TMPRSS6: variants seen among roughly 807,000 people sequenced by gnomAD.
TMPRSS6 encodes the protein transmembrane protease serine 6.
TMPRSS6 carries 67 observed loss-of-function variants against 101.5 expected under a neutral mutation model. That is an observed-to-expected ratio of 0.66 (90% CI 0.54 to 0.81). The LOEUF is 0.81. Among genes scored for constraint, TMPRSS6 ranks in the 30% least tolerant of loss-of-function variants. TMPRSS6 has a pLI of 0.00. For synonymous variants in TMPRSS6, 453 were observed against 464.9 expected (o/e 0.97, Z 0.33); for missense variants, 1,034 against 1,088.7 (o/e 0.95, Z 0.71).
chr22:37,103,555 G>A lies in TMPRSS6; in HGVS notation c.-1-137C>T, dbSNP rs372503106. The A allele has an allele frequency of 5.6e-6, 9 of 1,613,910 alleles. 1 individual carries two copies. The highest frequency in any genetic ancestry group is 2.2e-5 in the South Asian group (2 of 91,084). ...GTAACAACATCAGGCGGCAGTGACT[G>A]CAAGTGGGTGCCGAGACAGCTCACA... On this transcript the variant is annotated intron_variant, in intron 1 of 17. Transcript: ENST00000676104. The surrounding 1 kb of genome is among the most constrained non-coding windows in gnomAD (Gnocchi z 4.4).
intron 15 of TMPRSS6, 119 bp downstream of exon 15, chr22:37,070,365 G>A: frequency 7.5e-7 from 1 of 1,339,172 alleles, no homozygotes; most frequent in Non-Finnish European, 1.1e-6. Flanking sequence ...ACAGTAGCCT[G>A]TCTGGGGGGT....
chr22:37,102,708 G>C (rs1376042170), intron 2 of TMPRSS6, among the ~76,000 whole-genome samples: 1 of 152,102 alleles, frequency 6.6e-6, no homozygotes, highest in African/African-American at 2.4e-5. Context: ...ATTCATGCTG[G>C]ACCCTGGAGA....
intron 10 of TMPRSS6, chr22:37,083,063 A>C (rs1359463959): frequency 2.1e-6 from 1 of 471,106 alleles, no homozygotes; most frequent in South Asian, 1.5e-5. Context: ...ATCTTCCAAG[A>C]CTGGCATCTT....
intron 13 of TMPRSS6, among the ~76,000 whole-genome samples, chr22:37,071,293 TC>T (rs1377053015): frequency 1.3e-4 from 20 of 150,256 alleles, no homozygotes; most frequent in African/African-American, 4.9e-4. Context: ...AGATCATGCC[TC>T]CCCCTCCAGT....
intron 10 of TMPRSS6, chr22:37,083,981 C>T: frequency 1.8e-6 from 1 of 546,154 alleles, no homozygotes; most frequent in Non-Finnish European, 3.3e-6. Flanking sequence ...ATTGAGGGTG[C>T]CAGAGGGGGT....
At chr22:37,106,064 G>A (rs977070188) in intron 1 of TMPRSS6, among the ~76,000 whole-genome samples, 3 of 152,134 alleles carry the variant, frequency 2.0e-5, no homozygotes, top group African/African-American at 4.8e-5. Context: ...AATTGTCTCT[G>A]TTGCTTTATG....
rs1031067169 is a variant in TMPRSS6 at position 37,095,765 on chromosome 22, G to T, written c.589+141C>A. On this transcript the variant is annotated intron_variant, in intron 5 of 17. Coordinates refer to ENST00000676104, the MANE Select transcript of TMPRSS6 (RefSeq NM_001374504.1). ...CTGGCTCCTTGAATGCAATGGCACT[G>T]CTACCTCACCTGGGGGGCTCTCCTG... 8 of 1,254,070 alleles carry T rather than the reference G, an allele frequency of 6.4e-6. No individual in the cohort carries two copies. The Admixed American group carries it at 1.6e-4, about 25-fold the overall frequency. The allele number at this position is 1,254,070 out of a possible 1,614,324, so 77.7% of individuals were successfully genotyped here. A position where few individuals can be genotyped will look rare whatever the true frequency, so the allele number is the denominator to read the frequency against.
intron 1 of TMPRSS6, among the ~76,000 whole-genome samples, chr22:37,108,338 C>T (rs1930842468): frequency 6.6e-6 from 1 of 152,218 alleles, no homozygotes; most frequent in Non-Finnish European, 1.5e-5. Context: ...CGCAGCTCTC[C>T]CAGAGTGCCC....
chr22:37,084,204 T>C (rs1261064262), intron 10 of TMPRSS6, 91 bp downstream of exon 10: 6 of 1,144,652 alleles, frequency 5.2e-6, no homozygotes, highest in African/African-American at 4.6e-5. Flanking sequence ...GATTGGGGAC[T>C]TGGGCTTCCA....
Position 37,103,278 on chromosome 22 carries a change from A to C in TMPRSS6, c.140T>G (p.Leu47Arg), listed in dbSNP as rs755469967. 2.7e-5 allele frequency: 43 copies of C among 1,613,992 alleles called. No individual in the cohort carries two copies. The highest frequency in any genetic ancestry group is 3.1e-5 in the Non-Finnish European group (37 of 1,179,982). ...CACGAGCAGGGCCAGCAGCACAAAC[A>C]GGGGCACCAGGCGGAGGTAGCCCCG... ...KARGYLRLVP[L>R]FVLLALLVLA... Residue 47 changes from leucine to arginine, a missense_variant, in exon 2 of 18, where the codon CTG (leucine) becomes CGG (arginine). Leu to Arg is a moderately radical substitution (Grantham distance 102). Transcript: ENST00000676104. The surrounding 1 kb of genome is among the most constrained non-coding windows in gnomAD (Gnocchi z 4.4).
intron 13 of TMPRSS6, among the ~76,000 whole-genome samples, chr22:37,072,188 GGAT>G (rs1927010693): frequency 1.3e-5 from 2 of 148,820 alleles, no homozygotes; most frequent in South Asian, 2.2e-4. Context: ...ATGGATGGAT[GGAT>G]GATGGATGAA....
chr22:37,085,676 C>A (rs902243507), intron 8 of TMPRSS6, among the ~76,000 whole-genome samples: 2 of 151,852 alleles, frequency 1.3e-5, no homozygotes, highest in Admixed American at 1.3e-4. Context: ...GGGAAGGGGG[C>A]AAGGAGGGAG....
At chr22:37,104,118 C>T (rs951850668) in intron 1 of TMPRSS6, among the ~76,000 whole-genome samples, 6 of 152,230 alleles carry the variant, frequency 3.9e-5, no homozygotes, top group East Asian at 3.8e-4. Context: ...CTCCAGCCCA[C>T]ACCACGTGGG....
At chr22:37,090,042 A>T (rs554678779) in intron 6 of TMPRSS6, among the ~76,000 whole-genome samples, 1 of 152,228 alleles carries the variant, frequency 6.6e-6, no homozygotes, top group Non-Finnish European at 1.5e-5. Flanking sequence ...CCAGGTAAAA[A>T]TCCAGTCGCT....
intron 3 of TMPRSS6, among the ~76,000 whole-genome samples, chr22:37,097,474 G>C (rs974928346): frequency 6.6e-6 from 1 of 152,232 alleles, no homozygotes; most frequent in Non-Finnish European, 1.5e-5. Context: ...CCCCCTGCCA[G>C]GGCCAAAGAA....
At position 37,095,920 on chromosome 22, in the gene TMPRSS6, C is replaced by T. The variant is rs1330721192; in HGVS notation, c.575G>A (p.Gly192Asp). 3.7e-6 allele frequency: 6 copies of T among 1,614,008 alleles called. No individual in the cohort carries two copies. In the Admixed American group the frequency reaches 1.0e-4, roughly 27 times the overall value. ...YRAEYEVDPE[G>D]LVILEASVKD... Reference sequence around the variant, plus strand: ...GCAGTACTGACCCAGGATCACTAGGCCCTCGGGGTCCACTTCGTACTCGGC... The same window carrying T: ...GCAGTACTGACCCAGGATCACTAGGTCCTCGGGGTCCACTTCGTACTCGGC... The change falls in exon 5 of 18, where the codon GGC (glycine) becomes GAC (aspartate). Residue 192 changes from glycine to aspartate, a missense_variant. Coordinates refer to ENST00000676104, the MANE Select transcript of TMPRSS6 (RefSeq NM_001374504.1).
chr22:37,085,586 A>G (rs1433441004), intron 8 of TMPRSS6, among the ~76,000 whole-genome samples: 1 of 152,088 alleles, frequency 6.6e-6, no homozygotes, highest in Non-Finnish European at 1.5e-5. Flanking sequence ...GAAATGGCAA[A>G]GTTTGGGCCT....
At position 37,076,795 on chromosome 22, in the gene TMPRSS6, TG is replaced by T. The variant is rs532120761; in HGVS notation, c.1197-1516del. Among the ~76,000 whole-genome samples the T allele has an allele frequency of 7.2e-3, 1,094 of 152,250 alleles. 8 individuals carry two copies. Among genetic ancestry groups the T allele is most frequent in the African/African-American group, 0.025 (1,044 of 41,546 alleles). On this transcript the variant is annotated intron_variant, in intron 10 of 17. Transcript: ENST00000676104. ...AGAGCAAATCAGAGTGCTTTGCAGA[TG>T]GGGGAAACACACTCAGGGTGCAGGT...
chr22:37,093,296 C>T (rs747748607), intron 6 of TMPRSS6, among the ~76,000 whole-genome samples: 21 of 151,088 alleles, frequency 1.4e-4, no homozygotes, highest in African/African-American at 5.1e-4. Context: ...CACAGAGGCA[C>T]GAGGCAACAT....
Sources: gnomAD v4.1 joint callset for allele counts (sites outside exome capture counted in the v4.1 genomes callset) on GRCh38, gnomAD v4.1.1 for gene constraint, Gnocchi (gnomAD v3.1) non-coding constraint, MANE v1.5 for transcripts, NCBI Gene and HGNC (gene_info 2026-07-23, HGNC 2026-07-21) for gene names.